Variants in BORCS5 observed in about 807,000 individuals in gnomAD.
BORCS5 encodes the protein BLOC-1-related complex subunit 5.
BORCS5 carries 17 observed loss-of-function variants against 22.1 expected under a neutral mutation model. That is an observed-to-expected ratio of 0.77 (90% CI 0.53 to 1.15). The LOEUF is 1.15. BORCS5 is among the 50% of genes most tolerant of loss of function. The pLI is 0.00. For missense variants in BORCS5, 247 were observed against 253.2 expected, an observed-to-expected ratio of 0.98 and a Z score of 0.17; for synonymous variants, 117 against 99.8, an observed-to-expected ratio of 1.17 and a Z score of -1.03.
Position 12,429,428 on chromosome 12 carries a change from G to A in BORCS5, c.203-6200G>A, listed in dbSNP as rs1181551373. On this transcript the variant is annotated intron_variant, in intron 2 of 3. Transcript: ENST00000314565. ...CTTCTTATTTTCTCTGTCCTGTCTT[G>A]CTCCTGCTATGACCCGGGGCAGGAT... is the stretch of plus-strand genomic sequence containing the variant. Among the ~76,000 whole-genome samples, 4 of 152,092 alleles carry A rather than the reference G, an allele frequency of 2.6e-5. No homozygotes were observed. The East Asian group carries it at 7.7e-4, about 29-fold the overall frequency.
Position 12,395,668 on chromosome 12 carries a change from G to A in BORCS5, c.202+34319G>A, listed in dbSNP as rs192470082. Reference sequence around the variant, plus strand: ...AATTTGAAGTTGATGCCATAAGAACGTGATTGTAGTTTTGTTTGTTGCAGT... The same window carrying A: ...AATTTGAAGTTGATGCCATAAGAACATGATTGTAGTTTTGTTTGTTGCAGT... On this transcript the variant is annotated intron_variant, in intron 2 of 3. Coordinates refer to ENST00000314565, the MANE Select transcript of BORCS5 (RefSeq NM_058169.6). Among the ~76,000 whole-genome samples, 47 of 151,992 alleles carry A rather than the reference G, an allele frequency of 3.1e-4. 1 individual carries two copies. Among genetic ancestry groups the A allele is most frequent in the Admixed American group, 2.7e-3 (41 of 15,268 alleles).
intron 3 of BORCS5, among the ~76,000 whole-genome samples, chr12:12,457,219 A>AT (rs1418261725): frequency 1.3e-5 from 2 of 152,182 alleles, no homozygotes; most frequent in East Asian, 1.9e-4. Context: ...AATTTCACCA[A>AT]TTTTAGGGGA....
chr12:12,388,279 C>T (rs1863926182), intron 2 of BORCS5, among the ~76,000 whole-genome samples: 1 of 151,228 alleles, frequency 6.6e-6, no homozygotes, highest in Admixed American at 6.6e-5. Context: ...TAAGACCACA[C>T]TTCCCAAACA....
At chr12:12,358,003 C>T (rs1379888314) in intron 1 of BORCS5, among the ~76,000 whole-genome samples, 1 of 152,154 alleles carries the variant, frequency 6.6e-6, no homozygotes, top group African/African-American at 2.4e-5. Flanking sequence ...TGTCTTGGTC[C>T]GTTTTCTAAT....
At chr12:12,412,767 C>G (rs1941769062) in intron 2 of BORCS5, among the ~76,000 whole-genome samples, 1 of 151,898 alleles carries the variant, frequency 6.6e-6, no homozygotes, top group Non-Finnish European at 1.5e-5. Context: ...TTTTATATGG[C>G]TTTTATTATG....
intron 2 of BORCS5, among the ~76,000 whole-genome samples, chr12:12,428,157 C>G (rs557684775): frequency 1.1e-3 from 169 of 152,292 alleles, no homozygotes; most frequent in Middle Eastern, 3.4e-3. Flanking sequence ...GTATCTAAGC[C>G]TCTCAGAGTT....
chr12:12,449,572 A>G lies in BORCS5; in HGVS notation c.360+13787A>G, dbSNP rs1592136609. On this transcript the variant is annotated intron_variant, in intron 3 of 3. Coordinates refer to ENST00000314565, the MANE Select transcript of BORCS5 (RefSeq NM_058169.6). ...ATCGGGGAAACTGGGCAAGTCGTAA[A>G]GTAATTATTGGAACAGTCATACAAT... Among the ~76,000 whole-genome samples the G allele has an allele frequency of 2.0e-5, 3 of 152,344 alleles. No homozygotes were observed. The East Asian group carries it at 5.8e-4, about 29-fold the overall frequency.
In BORCS5 at chr12:12,363,745, A is replaced by C. The variant is rs1372608146; in HGVS notation, c.202+2396A>C. 2.0e-5 allele frequency among the ~76,000 whole-genome samples: 3 copies of C among 152,038 alleles called. No individual in the cohort carries two copies. In the East Asian group the frequency reaches 5.8e-4, roughly 29 times the overall value. ...GAGCAAGACTCCATCTCAAAAAAAA[A>C]AAATTAGCTGGGTGTGGTGGTGTGC... On this transcript the variant is annotated intron_variant, in intron 2 of 3. Coordinates refer to ENST00000314565, the MANE Select transcript of BORCS5 (RefSeq NM_058169.6).
At chr12:12,418,825 C>T (rs1357208551) in intron 2 of BORCS5, among the ~76,000 whole-genome samples, 2 of 152,154 alleles carry the variant, frequency 1.3e-5, no homozygotes, top group African/African-American at 4.8e-5. Context: ...CTGTCAATCC[C>T]TGTCTTTTGA....
intron 3 of BORCS5, among the ~76,000 whole-genome samples, chr12:12,461,251 C>T (rs953997764): frequency 1.3e-5 from 2 of 151,466 alleles, no homozygotes; most frequent in African/African-American, 4.9e-5. Context: ...TCACTGCAGC[C>T]TGGACCTCCT....
chr12:12,432,095 G>T (rs1565908358), intron 2 of BORCS5, among the ~76,000 whole-genome samples: 1 of 152,062 alleles, frequency 6.6e-6, no homozygotes, highest in Non-Finnish European at 1.5e-5. Context: ...GTCTCTGCAG[G>T]TTTTTTATTT....
chr12:12,364,152 G>C (rs903278877), intron 2 of BORCS5, among the ~76,000 whole-genome samples: 30 of 152,072 alleles, frequency 2.0e-4, no homozygotes, highest in African/African-American at 6.5e-4. Flanking sequence ...GAGGAGGATG[G>C]ATCACTTCAG....
rs892101070 is a variant in BORCS5, at chr12:12,468,161, C to T, written c.*2385C>T. 2.0e-5 allele frequency: 3 copies of T among 152,264 alleles called. No homozygotes were observed. The highest frequency in any genetic ancestry group is 2.0e-4 in the Admixed American group (3 of 15,288). The allele number at this position is 152,264 out of a possible 1,614,324, so 9.4% of individuals were successfully genotyped here. On this transcript the variant is annotated 3_prime_UTR_variant, in exon 4 of 4. Coordinates refer to ENST00000314565, the MANE Select transcript of BORCS5 (RefSeq NM_058169.6). ...TGAAGAAGAAACAGCCGAACCGAGA[C>T]TTTCACCAGCCCCTCTAATTGCTCA...
At chr12:12,450,718 G>A (rs1301513727) in intron 3 of BORCS5, among the ~76,000 whole-genome samples, 1 of 152,176 alleles carries the variant, frequency 6.6e-6, no homozygotes, top group Non-Finnish European at 1.5e-5. Context: ...AAAAGCATGG[G>A]TTTGAATTCT....
chr12:12,407,579 T>C (rs2136080893), intron 2 of BORCS5, among the ~76,000 whole-genome samples: 1 of 152,274 alleles, frequency 6.6e-6, no homozygotes, highest in Admixed American at 6.5e-5. Context: ...ATCATGACCT[T>C]CCATCTCCGG....
At chr12:12,414,338 G>C (rs1311661498) in intron 2 of BORCS5, among the ~76,000 whole-genome samples, 1 of 62,242 alleles carries the variant, frequency 1.6e-5, no homozygotes, top group Non-Finnish European at 3.1e-5. Flanking sequence ...CGGGGGGCTG[G>C]CCCCCCCACC....
At position 12,468,317 on chromosome 12, in the gene BORCS5, GTC is replaced by G. The variant is rs1370715757; in HGVS notation, c.*2543_*2544del. 1 of 152,234 alleles carries G rather than the reference GTC, an allele frequency of 6.6e-6. No individual in the cohort carries two copies. The highest frequency in any genetic ancestry group is 1.5e-5 in the Non-Finnish European group (1 of 68,058). The allele number at this position is 152,234 out of a possible 1,614,324, so 9.4% of individuals were successfully genotyped here. ...TGCTATTTCCTGATGGAACCTGGGAGTCTGAGTGATTTGTATTTCAAGAAGCA... is the reference window on the plus strand; with the variant it reads ...TGCTATTTCCTGATGGAACCTGGGAGTGAGTGATTTGTATTTCAAGAAGCA... On this transcript the variant is annotated 3_prime_UTR_variant, in exon 4 of 4. Coordinates refer to ENST00000314565, the MANE Select transcript of BORCS5 (RefSeq NM_058169.6).
chr12:12,402,455 C>G (rs1377233070), intron 2 of BORCS5, among the ~76,000 whole-genome samples: 1 of 152,084 alleles, frequency 6.6e-6, no homozygotes, highest in African/African-American at 2.4e-5. Flanking sequence ...GAAATTCTGC[C>G]CTACTGTGGA....
At chr12:12,439,577 G>A (rs992145306) in intron 3 of BORCS5, among the ~76,000 whole-genome samples, 6 of 152,158 alleles carry the variant, frequency 3.9e-5, no homozygotes, top group African/African-American at 1.2e-4. Flanking sequence ...GCGGTGAGCC[G>A]AGATCTCCAC....
Sources: allele counts gnomAD v4.1 joint callset (sites outside exome capture counted in the v4.1 genomes callset), GRCh38; gene constraint gnomAD v4.1.1; transcripts MANE v1.5; gene names NCBI Gene and HGNC (gene_info 2026-07-23, HGNC 2026-07-21).